PRDM5: variants seen among roughly 807,000 people sequenced by gnomAD.
The protein encoded by PRDM5 is PR domain zinc finger protein 5.
In PRDM5, 56 loss-of-function variants were observed where a neutral mutation model predicts 81.2. That is an observed-to-expected ratio of 0.69 (90% confidence interval 0.56 to 0.86). The LOEUF (loss-of-function observed/expected upper bound fraction) is 0.86, where lower values mean the gene tolerates loss of function less well. Among genes scored for constraint, PRDM5 ranks in the 40% least tolerant of loss-of-function variants. The probability of loss-of-function intolerance (pLI) is 0.00; values close to 1 mark genes in which losing one functional copy is unlikely to be tolerated. For missense variants in PRDM5, 697 were observed against 770.1 expected (o/e 0.91, Z 1.12); for synonymous variants, 267 against 256.4 (o/e 1.04, Z -0.39).
chr4:120,726,593 A>T (rs879317115), intron 14 of PRDM5, among the ~76,000 whole-genome samples: 1 of 152,216 alleles, frequency 6.6e-6, no homozygotes, highest in Non-Finnish European at 1.5e-5. Flanking sequence ...TAAATAACAC[A>T]CCCAGAAGAA....
At chr4:120,855,249 A>T (rs1161321327) in intron 2 of PRDM5, among the ~76,000 whole-genome samples, 1 of 152,164 alleles carries the variant, frequency 6.6e-6, no homozygotes, top group Middle Eastern at 3.2e-3. Flanking sequence ...TAAGTGCCCA[A>T]GGATCCTCAA....
intron 2 of PRDM5, among the ~76,000 whole-genome samples, chr4:120,877,739 T>C (rs1762462612): frequency 6.6e-6 from 1 of 152,222 alleles, no homozygotes; most frequent in African/African-American, 2.4e-5. Flanking sequence ...TAGGAGGCAG[T>C]GGTTGCAGTG....
intron 2 of PRDM5, among the ~76,000 whole-genome samples, chr4:120,854,207 GA>G (rs1197161662): frequency 6.6e-6 from 1 of 152,138 alleles, no homozygotes; most frequent in African/African-American, 2.4e-5. Context: ...GAGAGGAGGG[GA>G]GTAACTCCAA....
chr4:120,729,655 G>C (rs1055852644), intron 14 of PRDM5, among the ~76,000 whole-genome samples: 1 of 152,032 alleles, frequency 6.6e-6, no homozygotes, highest in African/African-American at 2.4e-5. Flanking sequence ...AAGGAATTTA[G>C]GTAAAAATGT....
rs190928642 is a variant in PRDM5, at chr4:120,795,050, G to C, written c.1188+3217C>G. Among the ~76,000 whole-genome samples, 235 of 152,018 alleles carry C rather than the reference G, an allele frequency of 1.5e-3. 3 individuals are homozygous for C. Among genetic ancestry groups the C allele is most frequent in the Admixed American group, 4.7e-3 (71 of 15,160 alleles). The stretch of plus-strand genomic sequence containing the variant: ...ATTAAGGCCCAATGGAATTATTCCA[G>C]GAGAAGTTGTGACTAGATTTCCTCA... On this transcript the variant is annotated intron_variant, in intron 10 of 15. Transcript: ENST00000264808.
intron 14 of PRDM5, among the ~76,000 whole-genome samples, chr4:120,745,965 G>T (rs1168310893): frequency 7.3e-6 from 1 of 137,030 alleles, no homozygotes; most frequent in Non-Finnish European, 1.6e-5. Context: ...AAAAGAGCCC[G>T]CATTTCCAAG....
chr4:120,815,763 T>G (rs1220679375), intron 7 of PRDM5, among the ~76,000 whole-genome samples: 1 of 152,116 alleles, frequency 6.6e-6, no homozygotes, highest in Non-Finnish European at 1.5e-5. Context: ...AAGGAGGAAG[T>G]CTTTGGAGGT....
chr4:120,837,308 T>A (rs1302116246), intron 3 of PRDM5: 4 of 152,260 alleles, frequency 2.6e-5, no homozygotes, highest in African/African-American at 9.6e-5. Context: ...TAAGCATGGA[T>A]AATAAAAGTT....
intron 2 of PRDM5, among the ~76,000 whole-genome samples, chr4:120,905,005 T>A (rs1455040609): frequency 1.3e-5 from 2 of 152,240 alleles, no homozygotes; most frequent in African/African-American, 4.8e-5. Context: ...CATAAATGTA[T>A]GGTTTCTGAA....
At chr4:120,880,015 T>C (rs950842009) in intron 2 of PRDM5, among the ~76,000 whole-genome samples, 2 of 152,078 alleles carry the variant, frequency 1.3e-5, no homozygotes, top group South Asian at 2.1e-4. Flanking sequence ...ATGTAAACTA[T>C]AGATCTCAAT....
intron 8 of PRDM5, among the ~76,000 whole-genome samples, chr4:120,803,669 C>A (rs1752461080): frequency 6.6e-6 from 1 of 152,120 alleles, no homozygotes; most frequent in Non-Finnish European, 1.5e-5. Context: ...ATTTTGTCAC[C>A]ACCAGGCCTG....
At chr4:120,752,195 G>A (rs1744104056) in intron 14 of PRDM5, among the ~76,000 whole-genome samples, 1 of 152,030 alleles carries the variant, frequency 6.6e-6, no homozygotes, top group South Asian at 2.1e-4. Context: ...AACCTTAGTA[G>A]GCTTTTGAAA....
intron 14 of PRDM5, among the ~76,000 whole-genome samples, chr4:120,740,638 T>C (rs1339709905): frequency 6.6e-6 from 1 of 152,194 alleles, no homozygotes; most frequent in East Asian, 1.9e-4. Flanking sequence ...GTCCCTCATA[T>C]ATGTGCCTGA....
chr4:120,843,549 A>T (rs1433760243), intron 3 of PRDM5, among the ~76,000 whole-genome samples: 3 of 152,106 alleles, frequency 2.0e-5, no homozygotes, highest in Non-Finnish European at 4.4e-5. Context: ...CAATAAATTT[A>T]AAAAAGTAGA....
intron 2 of PRDM5, among the ~76,000 whole-genome samples, chr4:120,861,468 G>T (rs1333420333): frequency 2.6e-5 from 4 of 152,254 alleles, no homozygotes; most frequent in African/African-American, 9.6e-5. Flanking sequence ...CAATATCCCA[G>T]ATCCAGAGAT....
At chr4:120,812,845 TC>T in intron 7 of PRDM5, 1 of 265,228 alleles carries the variant, frequency 3.8e-6, no homozygotes, top group South Asian at 3.5e-5. Flanking sequence ...AAGTGATATA[TC>T]CACAAGGAAT....
intron 3 of PRDM5, among the ~76,000 whole-genome samples, chr4:120,828,888 C>G (rs1043405245): frequency 6.6e-6 from 1 of 152,008 alleles, no homozygotes; most frequent in Non-Finnish European, 1.5e-5. Flanking sequence ...CTTGGGGAAG[C>G]CTCTTATCAT....
chr4:120,806,229 C>A (rs932805087), intron 8 of PRDM5, among the ~76,000 whole-genome samples: 13 of 152,202 alleles, frequency 8.5e-5, no homozygotes, highest in Non-Finnish European at 1.9e-4. Flanking sequence ...ACGTTCCATG[C>A]TCACGGATAG....
intron 8 of PRDM5, among the ~76,000 whole-genome samples, chr4:120,803,239 C>A (rs544668154): frequency 7.7e-4 from 117 of 152,238 alleles, no homozygotes; most frequent in Non-Finnish European, 1.2e-3. Flanking sequence ...GATTGTTGTA[C>A]CTGAAAGTGA....
Sources: gnomAD v4.1 joint callset for allele counts (sites outside exome capture counted in the v4.1 genomes callset) on GRCh38, gnomAD v4.1.1 for gene constraint, MANE v1.5 for transcripts, NCBI Gene and HGNC (gene_info 2026-07-23, HGNC 2026-07-21) for gene names.